Variants in PHACTR3 observed in about 807,000 individuals in gnomAD.
PHACTR3 encodes the protein protein phosphatase 1, regulatory subunit 123.
Under a neutral mutation model 66.8 loss-of-function variants are expected in PHACTR3, and 16 were observed. The observed-to-expected ratio is 0.24, with a 90% CI of 0.16 to 0.36. The LOEUF (loss-of-function observed/expected upper bound fraction) is 0.36. Ranked by LOEUF, PHACTR3 falls within the 10% of genes least tolerant of loss-of-function variation. PHACTR3 has a pLI of 1.00. For missense variants in PHACTR3, 647 were observed against 719.9 expected, an observed-to-expected ratio of 0.90 and a Z score of 1.16; for synonymous variants, 323 against 292.1, an observed-to-expected ratio of 1.11 and a Z score of -1.08.
chr20:59,641,512 C>G (rs1230567776), intron 1 of PHACTR3, among the ~76,000 whole-genome samples: 2 of 152,182 alleles, frequency 1.3e-5, no homozygotes, highest in Non-Finnish European at 2.9e-5. Flanking sequence ...CTTTCTTATT[C>G]CGTCTTCCTG....
chr20:59,811,760 C>A (rs889386969), intron 8 of PHACTR3, among the ~76,000 whole-genome samples: 3 of 152,166 alleles, frequency 2.0e-5, no homozygotes, highest in Non-Finnish European at 4.4e-5. Context: ...CCAGCAAGGG[C>A]TCTGGAACAG....
chr20:59,745,482 G>A (rs114541489), intron 2 of PHACTR3, among the ~76,000 whole-genome samples: 249 of 152,348 alleles, frequency 1.6e-3, no homozygotes, highest in African/African-American at 5.6e-3. Context: ...CTTCAGGACC[G>A]CCATTCGGGC....
At chr20:59,624,460 A>G (rs1343737874) in intron 1 of PHACTR3, among the ~76,000 whole-genome samples, 1 of 152,120 alleles carries the variant, frequency 6.6e-6, no homozygotes, top group Admixed American at 6.5e-5. Context: ...ATGAACATGC[A>G]TTTTTAGCAA....
At chr20:59,838,565 T>C (rs2059005781) in intron 9 of PHACTR3, among the ~76,000 whole-genome samples, 1 of 152,248 alleles carries the variant, frequency 6.6e-6, no homozygotes, top group African/African-American at 2.4e-5. Context: ...TATTCCCTCA[T>C]TTAATCATTG....
intron 1 of PHACTR3, among the ~76,000 whole-genome samples, chr20:59,714,264 A>G (rs1218815245): frequency 6.6e-6 from 1 of 152,180 alleles, no homozygotes; most frequent in African/African-American, 2.4e-5. Context: ...ATCTTATGTA[A>G]GGAGTATTTG....
intron 1 of PHACTR3, among the ~76,000 whole-genome samples, chr20:59,735,470 C>T (rs1235362590): frequency 2.0e-5 from 3 of 152,244 alleles, no homozygotes; most frequent in South Asian, 4.2e-4. Flanking sequence ...CTCACTCCCC[C>T]AGAGATATGG....
intron 8 of PHACTR3, among the ~76,000 whole-genome samples, chr20:59,807,804 A>G (rs2041616507): frequency 6.6e-6 from 1 of 152,234 alleles, no homozygotes; most frequent in African/African-American, 2.4e-5. Flanking sequence ...TATGTCGTGT[A>G]TCATTGAAAT....
chr20:59,741,263 G>A lies in PHACTR3; in HGVS notation c.119-1844G>A, dbSNP rs73917916. Among the ~76,000 whole-genome samples the A allele has an allele frequency of 6.1e-3, 935 of 152,366 alleles. 13 individuals carry two copies. The highest frequency in any genetic ancestry group is 0.021 in the African/African-American group (887 of 41,594). ...ACCTGCTGGCTGTGGAACTGACCAC[G>A]CGCTGACCATGGGAGGCTGAGCCAG... On this transcript the variant is annotated intron_variant, in intron 1 of 12. Transcript: ENST00000371015.
intron 7 of PHACTR3, among the ~76,000 whole-genome samples, chr20:59,776,490 TG>T (rs1478409163): frequency 6.6e-6 from 1 of 151,316 alleles, no homozygotes; most frequent in Non-Finnish European, 1.5e-5. Flanking sequence ...CACTTCTTCC[TG>T]TCCTCACCAG....
intron 1 of PHACTR3, among the ~76,000 whole-genome samples, chr20:59,632,556 A>G (rs921493519): frequency 6.6e-6 from 1 of 152,192 alleles, no homozygotes; most frequent in African/African-American, 2.4e-5. Flanking sequence ...AGCTGAGCAA[A>G]GACAATTTTG....
At chr20:59,706,251 T>G (rs1430363634) in intron 1 of PHACTR3, among the ~76,000 whole-genome samples, 1 of 152,234 alleles carries the variant, frequency 6.6e-6, no homozygotes, top group African/African-American at 2.4e-5. Flanking sequence ...AGTTTCAGAC[T>G]GTGGAACTCT....
chr20:59,777,157 C>A (rs2040566916), intron 7 of PHACTR3, among the ~76,000 whole-genome samples: 1 of 152,192 alleles, frequency 6.6e-6, no homozygotes, highest in Non-Finnish European at 1.5e-5. Flanking sequence ...GGGCACATAG[C>A]TGCCTCCTCT....
intron 1 of PHACTR3, among the ~76,000 whole-genome samples, chr20:59,742,142 G>A (rs902493178): frequency 3.3e-5 from 5 of 152,206 alleles, no homozygotes; most frequent in African/African-American, 4.8e-5. Context: ...ACCCCTGTTC[G>A]CACACTGGTG....
chr20:59,780,065 G>C (rs1164229542), intron 7 of PHACTR3, among the ~76,000 whole-genome samples: 1 of 152,198 alleles, frequency 6.6e-6, no homozygotes, highest in African/African-American at 2.4e-5. Flanking sequence ...GTAGAAACAC[G>C]TGATGAGGGG....
intron 1 of PHACTR3, among the ~76,000 whole-genome samples, chr20:59,633,301 C>G (rs551585125): frequency 2.6e-5 from 4 of 152,288 alleles, no homozygotes; most frequent in African/African-American, 7.2e-5. Context: ...TACATATACA[C>G]CATGGAATAC....
At chr20:59,826,882 G>A (rs2042207874) in intron 8 of PHACTR3, among the ~76,000 whole-genome samples, 1 of 152,190 alleles carries the variant, frequency 6.6e-6, no homozygotes, top group South Asian at 2.1e-4. Flanking sequence ...CCTTGACTGT[G>A]AGAACAGAAA....
chr20:59,796,000 TGTTA>T (rs1453054944), intron 7 of PHACTR3, among the ~76,000 whole-genome samples: 3 of 152,114 alleles, frequency 2.0e-5, no homozygotes, highest in African/African-American at 7.2e-5. Flanking sequence ...CCTGCCATTT[TGTTA>T]GTTGTTTTCT....
chr20:59,585,517 C>T (rs1830682735), intron 1 of PHACTR3, among the ~76,000 whole-genome samples: 1 of 152,194 alleles, frequency 6.6e-6, no homozygotes, highest in Non-Finnish European at 1.5e-5. Flanking sequence ...GGGGGTGGTC[C>T]TGGGGACCCC....
intron 1 of PHACTR3, among the ~76,000 whole-genome samples, chr20:59,647,052 G>A (rs1601000704): frequency 6.6e-6 from 1 of 152,188 alleles, no homozygotes; most frequent in Admixed American, 6.5e-5. Context: ...GATGACTAGG[G>A]TATTAGTCTG....
Sources: allele counts gnomAD v4.1 joint callset (sites outside exome capture counted in the v4.1 genomes callset), GRCh38; gene constraint gnomAD v4.1.1; transcripts MANE v1.5; gene names NCBI Gene and HGNC (gene_info 2026-07-23, HGNC 2026-07-21).